Variants in ELP4 observed in about 807,000 individuals in gnomAD.
The protein encoded by ELP4 is elongator complex protein 4.
Under a neutral mutation model 48.9 loss-of-function variants are expected in ELP4, and 51 were observed. That is an observed-to-expected ratio of 1.04 (90% CI 0.83 to 1.32). The LOEUF (loss-of-function observed/expected upper bound fraction) is 1.32. Among genes scored for constraint, ELP4 ranks in the 40% most tolerant of loss-of-function variants. The pLI is 0.00. For missense variants in ELP4, 519 were observed against 514.6 expected (o/e 1.01, Z -0.08); for synonymous variants, 210 against 189.2 (o/e 1.11, Z -0.90).
chr11:31,761,501 A>C (rs1947944574), intron 9 of ELP4, among the ~76,000 whole-genome samples: 1 of 152,218 alleles, frequency 6.6e-6, no homozygotes, highest in Non-Finnish European at 1.5e-5. Context: ...TGTTACATAT[A>C]TACCAGTAAG....
At chr11:31,511,776 A>G (rs1168758752) in intron 1 of ELP4, 3 of 152,186 alleles carry the variant, frequency 2.0e-5, no homozygotes, top group Admixed American at 6.5e-5. Context: ...GAGAACCCAA[A>G]GCACCTTCTA....
At chr11:31,677,470 T>A (rs1352057491) in intron 9 of ELP4, among the ~76,000 whole-genome samples, 1 of 152,218 alleles carries the variant, frequency 6.6e-6, no homozygotes, top group Non-Finnish European at 1.5e-5. Context: ...CACGCCCACG[T>A]AGCTATTGGA....
chr11:31,685,655 G>A (rs903831250), intron 9 of ELP4, among the ~76,000 whole-genome samples: 3 of 151,990 alleles, frequency 2.0e-5, no homozygotes, highest in Non-Finnish European at 4.4e-5. Flanking sequence ...ATTTCTGGCC[G>A]GGTGTGGTGG....
chr11:31,629,498 C>T (rs1471137924), intron 6 of ELP4, among the ~76,000 whole-genome samples: 1 of 151,882 alleles, frequency 6.6e-6, no homozygotes, highest in Non-Finnish European at 1.5e-5. Flanking sequence ...TATCTTATCT[C>T]TCATTCATTT....
chr11:31,554,927 A>G (rs1024324854), intron 3 of ELP4, among the ~76,000 whole-genome samples: 2 of 152,154 alleles, frequency 1.3e-5, no homozygotes, highest in African/African-American at 2.4e-5. Flanking sequence ...TTCAGATTTT[A>G]TATTCAATAT....
At chr11:31,695,698 A>G (rs961586951) in intron 9 of ELP4, among the ~76,000 whole-genome samples, 2 of 149,400 alleles carry the variant, frequency 1.3e-5, no homozygotes, top group Non-Finnish European at 3.0e-5. Flanking sequence ...AGTTAGGGAG[A>G]ATTTCCTCTT....
At position 31,583,751 on chromosome 11, in the gene ELP4, G is replaced by T. The variant is rs1957428125; in HGVS notation, c.382-11019G>T. Reference sequence around the variant, plus strand: ...CTTCATATAGTAAACAATTTAAAGTGTTAGGTAAATAAATAAATACATTTC... The same window carrying T: ...CTTCATATAGTAAACAATTTAAAGTTTTAGGTAAATAAATAAATACATTTC... On this transcript the variant is annotated intron_variant, in intron 3 of 9. Coordinates refer to ENST00000640961, the MANE Select transcript of ELP4 (RefSeq NM_019040.5). Among the ~76,000 whole-genome samples the T allele has an allele frequency of 3.9e-5, 6 of 152,176 alleles. No homozygotes were observed. The South Asian group carries it at 1.2e-3, about 31-fold the overall frequency.
At chr11:31,775,125 A>AATT (rs1349110863) in intron 9 of ELP4, among the ~76,000 whole-genome samples, 3 of 152,198 alleles carry the variant, frequency 2.0e-5, no homozygotes, top group Non-Finnish European at 4.4e-5. Flanking sequence ...AGGACCACAT[A>AATT]ATTATTATAT....
chr11:31,575,945 A>C (rs1340280041), intron 3 of ELP4, among the ~76,000 whole-genome samples: 1 of 152,218 alleles, frequency 6.6e-6, no homozygotes, highest in Non-Finnish European at 1.5e-5. Flanking sequence ...TAACAAAATT[A>C]ACCTTAAATG....
intron 3 of ELP4, among the ~76,000 whole-genome samples, chr11:31,550,262 G>A (rs1176495342): frequency 6.6e-6 from 1 of 151,552 alleles, no homozygotes; most frequent in African/African-American, 2.4e-5. Context: ...TTCTCATTTT[G>A]TAAAAATAAA....
At chr11:31,674,572 TG>T (rs1565106198) in intron 9 of ELP4, among the ~76,000 whole-genome samples, 1 of 152,228 alleles carries the variant, frequency 6.6e-6, no homozygotes, top group African/African-American at 2.4e-5. Flanking sequence ...ACATTTAATA[TG>T]GAAAGGAAAG....
At chr11:31,701,348 GCTC>G (rs1946518395) in intron 9 of ELP4, among the ~76,000 whole-genome samples, 1 of 152,008 alleles carries the variant, frequency 6.6e-6, no homozygotes, top group Admixed American at 6.6e-5. Context: ...ATTTTGATAA[GCTC>G]CTTGTATCTT....
At chr11:31,635,905 A>G (rs192150031) in intron 7 of ELP4, among the ~76,000 whole-genome samples, 12 of 152,134 alleles carry the variant, frequency 7.9e-5, no homozygotes, top group African/African-American at 2.9e-4. Context: ...GTTAGGCCTG[A>G]GACAGACCAG....
At chr11:31,688,752 T>A (rs909663363) in intron 9 of ELP4, among the ~76,000 whole-genome samples, 1 of 152,112 alleles carries the variant, frequency 6.6e-6, no homozygotes, top group Non-Finnish European at 1.5e-5. Flanking sequence ...CTGTGAAGAG[T>A]GAACAGTATG....
chr11:31,652,353 G>T (rs771535780), intron 9 of ELP4: 1 of 151,502 alleles, frequency 6.6e-6, no homozygotes, highest in African/African-American at 2.4e-5. Flanking sequence ...ACATATATAG[G>T]TATAATTAGA....
At chr11:31,570,014 A>C (rs1475938868) in intron 3 of ELP4, among the ~76,000 whole-genome samples, 1 of 152,240 alleles carries the variant, frequency 6.6e-6, no homozygotes, top group Non-Finnish European at 1.5e-5. Context: ...TACTGGGTAC[A>C]TACCCGGAGG....
intron 9 of ELP4, among the ~76,000 whole-genome samples, chr11:31,729,801 C>G (rs1947146206): frequency 6.6e-6 from 1 of 152,174 alleles, no homozygotes; most frequent in Admixed American, 6.5e-5. Context: ...AATGCTTGTT[C>G]TCTTCTAGCT....
intron 9 of ELP4, among the ~76,000 whole-genome samples, chr11:31,704,997 G>A (rs898504215): frequency 6.0e-5 from 9 of 148,920 alleles, no homozygotes; most frequent in Admixed American, 1.3e-4. Flanking sequence ...GGAACAGAGC[G>A]AGACTCCATC....
chr11:31,615,554 A>T (rs931575060), intron 5 of ELP4, among the ~76,000 whole-genome samples: 1 of 152,190 alleles, frequency 6.6e-6, no homozygotes, highest in Non-Finnish European at 1.5e-5. Flanking sequence ...TTCGAAAAAA[A>T]TGTAACTACT....
Sources: gnomAD v4.1 joint callset for allele counts (sites outside exome capture counted in the v4.1 genomes callset) on GRCh38, gnomAD v4.1.1 for gene constraint, MANE v1.5 for transcripts, NCBI Gene and HGNC (gene_info 2026-07-23, HGNC 2026-07-21) for gene names.